HPSE2: variants seen among roughly 807,000 people sequenced by gnomAD.
HPSE2 encodes heparanase 2 (inactive), also known as inactive heparanase-2.
HPSE2 carries 38 observed loss-of-function variants against 60.5 expected under a neutral mutation model. The observed-to-expected ratio is 0.63, with a 90% CI of 0.48 to 0.82. The LOEUF is 0.82. Among genes scored for constraint, HPSE2 ranks in the 40% least tolerant of loss-of-function variants. The pLI is 0.00. For missense variants in HPSE2, 713 were observed against 740.4 expected, an observed-to-expected ratio of 0.96 and a Z score of 0.43; for synonymous variants, 295 against 293.2, an observed-to-expected ratio of 1.01 and a Z score of -0.06.
chr10:98,757,528 T>C (rs1949905886), intron 3 of HPSE2, among the ~76,000 whole-genome samples: 1 of 152,068 alleles, frequency 6.6e-6, no homozygotes, highest in East Asian at 1.9e-4. Context: ...AGGATTTCTA[T>C]ACACCAACAT....
intron 2 of HPSE2, among the ~76,000 whole-genome samples, chr10:99,216,188 CTTTTTT>C (rs550046406): frequency 1.0e-5 from 1 of 97,674 alleles, no homozygotes; most frequent in African/African-American, 4.2e-5. Flanking sequence ...ATAACCTAAA[CTTTTTT>C]TTTTTTTTTT....
chr10:98,847,278 G>A (rs573580131), intron 3 of HPSE2, among the ~76,000 whole-genome samples: 47 of 152,192 alleles, frequency 3.1e-4, no homozygotes, highest in Non-Finnish European at 4.7e-4. Flanking sequence ...AATTCTAATC[G>A]TAATAGTAGC....
At chr10:98,505,337 T>G (rs760303927) in intron 9 of HPSE2, among the ~76,000 whole-genome samples, 9 of 152,190 alleles carry the variant, frequency 5.9e-5, no homozygotes, top group Non-Finnish European at 1.0e-4. Context: ...TGTGCGACAC[T>G]CCAGGTGATT....
chr10:98,701,564 A>C (rs1948409761), intron 5 of HPSE2, among the ~76,000 whole-genome samples: 1 of 151,430 alleles, frequency 6.6e-6, no homozygotes, highest in Admixed American at 6.6e-5. Flanking sequence ...TGGGTGCAGC[A>C]CACCAGCATG....
At chr10:98,851,455 T>C (rs544061323) in intron 3 of HPSE2, among the ~76,000 whole-genome samples, 1 of 152,324 alleles carries the variant, frequency 6.6e-6, no homozygotes, top group Non-Finnish European at 1.5e-5. Flanking sequence ...AGAAAATATG[T>C]TCCATAACCA....
intron 3 of HPSE2, among the ~76,000 whole-genome samples, chr10:99,138,006 A>G (rs2135758799): frequency 6.6e-6 from 1 of 152,350 alleles, no homozygotes; most frequent in Middle Eastern, 3.4e-3. Flanking sequence ...ACAAAGGGCT[A>G]ACATCCAGAA....
chr10:98,560,270 A>G (rs1338447681), intron 9 of HPSE2, among the ~76,000 whole-genome samples: 1 of 152,180 alleles, frequency 6.6e-6, no homozygotes, highest in Non-Finnish European at 1.5e-5. Context: ...GATACTGTGA[A>G]TGATAGGCAC....
chr10:99,196,946 A>C (rs1848419607), intron 2 of HPSE2, among the ~76,000 whole-genome samples: 1 of 152,220 alleles, frequency 6.6e-6, no homozygotes, highest in Admixed American at 6.5e-5. Flanking sequence ...CACTGTTTAC[A>C]ACAGCTAAGA....
chr10:98,935,053 C>T (rs1954750753), intron 3 of HPSE2, among the ~76,000 whole-genome samples: 1 of 141,308 alleles, frequency 7.1e-6, no homozygotes. Flanking sequence ...CTCTGATATT[C>T]TCTCTTCTGC....
intron 10 of HPSE2, among the ~76,000 whole-genome samples, chr10:98,484,424 G>A (rs1941364802): frequency 2.6e-5 from 4 of 152,208 alleles, no homozygotes; most frequent in Admixed American, 2.6e-4. Context: ...TTTTAGTAGA[G>A]ATGGGGTTTC....
At chr10:98,957,034 T>C (rs933329420) in intron 3 of HPSE2, among the ~76,000 whole-genome samples, 1 of 152,156 alleles carries the variant, frequency 6.6e-6, no homozygotes, top group Non-Finnish European at 1.5e-5. Context: ...AGTGATGCCA[T>C]ATTGAAGTGA....
intron 3 of HPSE2, among the ~76,000 whole-genome samples, chr10:98,821,733 A>T (rs1951429262): frequency 6.6e-6 from 1 of 152,204 alleles, no homozygotes; most frequent in Admixed American, 6.5e-5. Flanking sequence ...TAAAAATGGA[A>T]CTTTTGTCAA....
At chr10:99,005,626 G>A (rs574751046) in intron 3 of HPSE2, among the ~76,000 whole-genome samples, 2 of 151,948 alleles carry the variant, frequency 1.3e-5, no homozygotes, top group Non-Finnish European at 2.9e-5. Flanking sequence ...CAATCATCTT[G>A]AACTGTTTTT....
At chr10:99,045,965 G>A (rs1475361340) in intron 3 of HPSE2, among the ~76,000 whole-genome samples, 1 of 152,134 alleles carries the variant, frequency 6.6e-6, no homozygotes, top group Non-Finnish European at 1.5e-5. Context: ...GAAGAGGAGA[G>A]GCTCCTCCCT....
At chr10:98,989,213 A>G (rs1446149053) in intron 3 of HPSE2, among the ~76,000 whole-genome samples, 1 of 152,200 alleles carries the variant, frequency 6.6e-6, no homozygotes, top group African/African-American at 2.4e-5. Context: ...TTATTGTGGC[A>G]CTATTCACAA....
intron 7 of HPSE2, among the ~76,000 whole-genome samples, chr10:98,638,163 A>AAAAG (rs1554960094): frequency 7.1e-6 from 1 of 140,712 alleles, no homozygotes; most frequent in Non-Finnish European, 1.5e-5. Flanking sequence ...AAAAAAAAAA[A>AAAAG]GGCTGGGTGC....
chr10:98,817,450 A>G lies in HPSE2; in HGVS notation c.611-73394T>C, dbSNP rs1889938. On this transcript the variant is annotated intron_variant, in intron 3 of 11. Transcript: ENST00000370552. Reference sequence around the variant, plus strand: ...ATTGGAAGACCATGGCTCTAAAACAAAACAACCTGAATGAAGTACATATTT... The same window carrying G: ...ATTGGAAGACCATGGCTCTAAAACAGAACAACCTGAATGAAGTACATATTT... Among the ~76,000 whole-genome samples the G allele has an allele frequency of 5.0e-3, 763 of 152,312 alleles. 17 individuals are homozygous for G. Among genetic ancestry groups the G allele is most frequent in the East Asian group, 0.036 (186 of 5,184 alleles).
At chr10:98,765,785 A>G (rs7076807) in intron 3 of HPSE2, among the ~76,000 whole-genome samples, 107,665 of 151,974 alleles carry the variant, frequency 0.71, 39,178 homozygotes, top group South Asian at 0.81. Context: ...AGAGGTTGCA[A>G]TGAGCCAAGA....
chr10:98,614,442 G>A (rs533125360), intron 9 of HPSE2, among the ~76,000 whole-genome samples: 40 of 151,974 alleles, frequency 2.6e-4, no homozygotes, highest in African/African-American at 8.9e-4. Context: ...ACAGGTGCCC[G>A]CCATCACACA....
Sources: allele counts gnomAD v4.1 joint callset (sites outside exome capture counted in the v4.1 genomes callset), GRCh38; gene constraint gnomAD v4.1.1; transcripts MANE v1.5; gene names NCBI Gene and HGNC (gene_info 2026-07-23, HGNC 2026-07-21).